The following NYNRIN variants were observed in gnomAD, a reference collection of about 807,000 sequenced individuals.
NYNRIN encodes the protein NYN domain and retroviral integrase containing.
In NYNRIN, 86 loss-of-function variants were observed where a neutral mutation model predicts 146.6. That is an observed-to-expected ratio of 0.59 (90% CI 0.49 to 0.70). The LOEUF is 0.70. Ranked by LOEUF, NYNRIN falls within the 30% of genes least tolerant of loss-of-function variation. The pLI is 0.00. For missense variants in NYNRIN, 2,191 were observed against 2,377.7 expected, an observed-to-expected ratio of 0.92 and a Z score of 1.63; for synonymous variants, 1,027 against 1,001.3, an observed-to-expected ratio of 1.03 and a Z score of -0.48.
chr14:24,417,470 T>C lies in NYNRIN; in HGVS notation c.*24T>C. The C allele has an allele frequency of 6.9e-7, 1 of 1,448,898 alleles. No homozygotes were observed. Among genetic ancestry groups the C allele is most frequent in the Non-Finnish European group, 9.1e-7 (1 of 1,102,392 alleles). The allele number at this position is 1,448,898 out of a possible 1,614,324, so 89.8% of individuals were successfully genotyped here. A position where few individuals can be genotyped will look rare whatever the true frequency, so the allele number is the denominator to read the frequency against. ...GAGCGGGAGCAGCGGGGGTGCCCCC[T>C]GCCCCAGGGCCGTGGGTTTCTGCTG... On this transcript the variant is annotated 3_prime_UTR_variant, in exon 9 of 9. Coordinates refer to ENST00000382554, the MANE Select transcript of NYNRIN (RefSeq NM_025081.3).
chr14:24,410,407 A>G (rs2042905622), intron 4 of NYNRIN, among the ~76,000 whole-genome samples, 199 bp downstream of exon 4: 1 of 152,196 alleles, frequency 6.6e-6, no homozygotes, highest in African/African-American at 2.4e-5. Context: ...GCAGCCCTCA[A>G]GGGCAGGTTT....
At position 24,418,637 on chromosome 14, in the gene NYNRIN, A is replaced by G; in HGVS notation, c.*1191A>G. The G allele has an allele frequency of 5.9e-6, 1 of 169,488 alleles. No individual in the cohort carries two copies. 10.5% of individuals were successfully genotyped at this position (169,488 alleles called of 1,614,324 possible). A position where few individuals can be genotyped will look rare whatever the true frequency, so the allele number is the denominator to read the frequency against. ...TGCCGCTGCCAAGGAAGTGGGCTCCAGGTGAAGGCCAGTGCCACGTCACTC... is the reference window on the plus strand; with the variant it reads ...TGCCGCTGCCAAGGAAGTGGGCTCCGGGTGAAGGCCAGTGCCACGTCACTC... On this transcript the variant is annotated 3_prime_UTR_variant, in exon 9 of 9. Transcript: ENST00000382554.
Position 24,415,230 on chromosome 14 carries a change from C to T in NYNRIN, c.3481C>T (p.Arg1161Cys), listed in dbSNP as rs777661158. ...LMAPNSQLPFRLEVTVSHVAL... is the reference protein window; with the variant it reads ...LMAPNSQLPFCLEVTVSHVAL... ...GGCCCCCAACTCCCAGCTGCCCTTC[C>T]GCCTGGAGGTGACCGTGAGCCACGT... The change falls in exon 9 of 9, where the codon CGC becomes TGC. Residue 1161 changes from arginine (R) to cysteine (C), a missense_variant. Coordinates refer to ENST00000382554, the MANE Select transcript of NYNRIN (RefSeq NM_025081.3). 110 of 1,613,030 alleles carry T rather than the reference C, an allele frequency of 6.8e-5. No individual in the cohort carries two copies. Among genetic ancestry groups the T allele is most frequent in the Middle Eastern group, 4.9e-4 (3 of 6,084 alleles).
rs926768018 is a variant in NYNRIN at position 24,417,940 on chromosome 14, C to T, written c.*494C>T. On this transcript the variant is annotated 3_prime_UTR_variant, in exon 9 of 9. Transcript: ENST00000382554. ...GGGGACCCTTTGCCCTTAGAGCTGT[C>T]ACAGATGACATAAGCCTGGGCAGGC... The T allele has an allele frequency of 8.9e-5, 20 of 224,060 alleles. No homozygotes were observed. The highest frequency in any genetic ancestry group is 3.6e-4 in the African/African-American group (15 of 42,074). 13.9% of individuals were successfully genotyped at this position (224,060 alleles called of 1,614,324 possible). A position where few individuals can be genotyped will look rare whatever the true frequency, so the allele number is the denominator to read the frequency against.
rs1441991614 is a variant in NYNRIN, at chr14:24,416,947, A to G, written c.5198A>G (p.His1733Arg). Residue 1733 changes from histidine to arginine, a missense_variant, in exon 9 of 9, where the codon CAT (histidine) becomes CGT (arginine). Physicochemically the swap from His to Arg is conservative, Grantham distance 29. Around this residue, in one of 3 missense-constraint regions of NYNRIN, gnomAD observed 1,291 missense variants for 1,417.0 expected, o/e 0.91. Coordinates refer to ENST00000382554, the MANE Select transcript of NYNRIN (RefSeq NM_025081.3). ...GCCCTCAAGGAGTTCATCTTCCTGC[A>G]TGGGAAGAAGTGGGCGGCCTCCCTG... is the stretch of plus-strand genomic sequence containing the variant. ...KRALKEFIFL[H>R]GKKWAASLPL... 6.3e-7 allele frequency: 1 copy of G among 1,588,604 alleles called. No homozygotes were observed. The highest frequency in any genetic ancestry group is 1.1e-5 in the South Asian group (1 of 87,722).
Position 24,408,293 on chromosome 14 carries a change from G to C in NYNRIN, c.623G>C (p.Arg208Pro). 1 of 1,612,678 alleles carries C rather than the reference G, an allele frequency of 6.2e-7. No individual in the cohort carries two copies. Among genetic ancestry groups the C allele is most frequent in the East Asian group, 2.2e-5 (1 of 44,878 alleles). The part of the protein sequence containing the change: ...GKEDIIEWLS[R>P]FGISDSHSDP... Reference sequence around the variant, plus strand: ...GAAGACATCATCGAGTGGCTCAGCCGCTTCGGCATCTCTGACTCCCACTCC... The same window carrying C: ...GAAGACATCATCGAGTGGCTCAGCCCCTTCGGCATCTCTGACTCCCACTCC... The change falls in exon 3 of 9, where the codon CGC becomes CCC. Residue 208 changes from arginine (R) to proline (P), a missense_variant. This residue lies in a region of NYNRIN where 895 missense variants were observed against 941.2 expected (regional missense o/e 0.95). Coordinates refer to ENST00000382554, the MANE Select transcript of NYNRIN (RefSeq NM_025081.3).
Position 24,417,068 on chromosome 14 carries a change from G to A in NYNRIN, c.5319G>A (p.Trp1773Ter). The A allele has an allele frequency of 1.9e-6, 3 of 1,613,056 alleles. No homozygotes were observed. Among genetic ancestry groups the A allele is most frequent in the Non-Finnish European group, 2.5e-6 (3 of 1,179,272 alleles). The change falls in exon 9 of 9, where the codon TGG (tryptophan) becomes TGA (stop). Residue 1773 changes from tryptophan (W) to a stop codon, truncating the protein, a stop_gained. Transcript: ENST00000382554. LOFTEE classifies it high-confidence loss of function. ...AGTCAAGGCTCACGGAGCCCCTGTG[G>A]TGGGAGATGAGCAGCGCAAACATTG... ...GGESRLTEPLWWEMSSANIEG... is the reference protein window; with the variant it reads ...GGESRLTEPL
chr14:24,405,533 G>C (rs985853140), intron 2 of NYNRIN, among the ~76,000 whole-genome samples: 3 of 152,144 alleles, frequency 2.0e-5, no homozygotes, highest in African/African-American at 7.2e-5. Flanking sequence ...GGTCTGGGTT[G>C]GCTTTAGGCA....
chr14:24,412,277 C>T (rs190012589), intron 6 of NYNRIN, among the ~76,000 whole-genome samples: 7 of 152,274 alleles, frequency 4.6e-5, no homozygotes, highest in South Asian at 2.1e-4. Context: ...ATGGCTTTTC[C>T]GCAGACCGTC....
rs1450640197 is a variant in NYNRIN at position 24,417,566 on chromosome 14, C to T, written c.*120C>T. ...CCTCAGTTGTGCCTTTTGTAGAGAA[C>T]TTGCTTCATAAAGCTTTGCTGAATT... is the stretch of plus-strand genomic sequence containing the variant. On this transcript the variant is annotated 3_prime_UTR_variant, in exon 9 of 9. Transcript: ENST00000382554. 5 of 1,320,018 alleles carry T rather than the reference C, an allele frequency of 3.8e-6. No homozygotes were observed. The East Asian group carries it at 1.3e-4, about 35-fold the overall frequency. 81.8% of individuals were successfully genotyped at this position (1,320,018 alleles called of 1,614,324 possible).
In NYNRIN at chr14:24,418,466, C is replaced by G. The variant is rs1428466977; in HGVS notation, c.*1020C>G. Reference sequence around the variant, plus strand: ...CCTACAGATTGTGTGATTGCTTCATCTGTATCACCCCCCGAGTCCTGTGGA... The same window carrying G: ...CCTACAGATTGTGTGATTGCTTCATGTGTATCACCCCCCGAGTCCTGTGGA... On this transcript the variant is annotated 3_prime_UTR_variant, in exon 9 of 9. Coordinates refer to ENST00000382554, the MANE Select transcript of NYNRIN (RefSeq NM_025081.3). 1 of 349,132 alleles carries G rather than the reference C, an allele frequency of 2.9e-6. No individual in the cohort carries two copies. Among genetic ancestry groups the G allele is most frequent in the African/African-American group, 2.2e-5 (1 of 46,136 alleles). The allele number at this position is 349,132 out of a possible 1,614,324, so 21.6% of individuals were successfully genotyped here. A position where few individuals can be genotyped will look rare whatever the true frequency, so the allele number is the denominator to read the frequency against.
Position 24,409,372 on chromosome 14 carries a change from A to T in NYNRIN, c.1578A>T (p.Gln526His), listed in dbSNP as rs1193569458. Reference sequence around the variant, plus strand: ...CAGGGCAAGGGAAGCCCGTGGCTCAAGGGGGGCTGACAGATCAGTCAGTAC... The same window carrying T: ...CAGGGCAAGGGAAGCCCGTGGCTCATGGGGGGCTGACAGATCAGTCAGTAC... ...LPTGQGKPVA[Q>H]GGLTDQSVPG... is the part of the protein sequence containing the mutation. Residue 526 changes from glutamine (Q) to histidine (H), a missense_variant, in exon 4 of 9, where the codon CAA becomes CAT. This residue lies in a region of NYNRIN where 895 missense variants were observed against 941.2 expected (regional missense o/e 0.95). Transcript: ENST00000382554. 1.2e-6 allele frequency: 2 copies of T among 1,614,006 alleles called. No homozygotes were observed. Among genetic ancestry groups the T allele is most frequent in the South Asian group, 1.1e-5 (1 of 91,084 alleles).
In NYNRIN at chr14:24,415,125, C is replaced by T. The variant is rs766882927; in HGVS notation, c.3376C>T (p.Pro1126Ser). Reference protein sequence around the residue: ...GPLHSLLKQKPDWQWDQEHEE... With the variant: ...GPLHSLLKQKSDWQWDQEHEE... The stretch of plus-strand genomic sequence containing the variant: ...CCTGCACAGCCTCCTCAAGCAGAAG[C>T]CTGACTGGCAGTGGGACCAGGAGCA... The change falls in exon 9 of 9, where the codon CCT becomes TCT. Residue 1126 changes from proline to serine, a missense_variant. This residue lies in a region of NYNRIN where 1,291 missense variants were observed against 1,417.0 expected (regional missense o/e 0.91). Transcript: ENST00000382554. 1.9e-6 allele frequency: 3 copies of T among 1,606,196 alleles called. No individual in the cohort carries two copies. Among genetic ancestry groups the T allele is most frequent in the Non-Finnish European group, 2.5e-6 (3 of 1,179,250 alleles).
Position 24,415,625 on chromosome 14 carries a change from T to C in NYNRIN, c.3876T>C (p.Pro1292=). 1 of 1,613,996 alleles carries C rather than the reference T, an allele frequency of 6.2e-7. No individual in the cohort carries two copies. The highest frequency in any genetic ancestry group is 8.5e-7 in the Non-Finnish European group (1 of 1,179,894). The stretch of plus-strand genomic sequence containing the variant: ...TGCTCACCCCCGCGGCCTCCATGCC[T>C]CGCTTCTTCCAGGTTCTGCCGCCTT... ...NRLLTPAASM[P]RFFQVLPPFS... is the part of the protein sequence containing the mutation. The change falls in exon 9 of 9, where the codon CCT becomes CCC. Residue 1292 remains proline (P), a synonymous_variant. Transcript: ENST00000382554.
Position 24,417,563 on chromosome 14 carries a change from G to A in NYNRIN, c.*117G>A. 1.5e-6 allele frequency: 2 copies of A among 1,328,174 alleles called. No individual in the cohort carries two copies. Among genetic ancestry groups the A allele is most frequent in the South Asian group, 2.0e-5 (1 of 49,332 alleles). The allele number at this position is 1,328,174 out of a possible 1,614,324, so 82.3% of individuals were successfully genotyped here. Reference sequence around the variant, plus strand: ...GGCCCTCAGTTGTGCCTTTTGTAGAGAACTTGCTTCATAAAGCTTTGCTGA... The same window carrying A: ...GGCCCTCAGTTGTGCCTTTTGTAGAAAACTTGCTTCATAAAGCTTTGCTGA... On this transcript the variant is annotated 3_prime_UTR_variant, in exon 9 of 9. Coordinates refer to ENST00000382554, the MANE Select transcript of NYNRIN (RefSeq NM_025081.3).
At position 24,417,657 on chromosome 14, in the gene NYNRIN, C is replaced by A; in HGVS notation, c.*211C>A. The A allele has an allele frequency of 1.6e-6, 1 of 628,576 alleles. No individual in the cohort carries two copies. Among genetic ancestry groups the A allele is most frequent in the Non-Finnish European group, 2.5e-6 (1 of 405,444 alleles). 38.9% of individuals were successfully genotyped at this position (628,576 alleles called of 1,614,324 possible). A position where few individuals can be genotyped will look rare whatever the true frequency, so the allele number is the denominator to read the frequency against. ...AGTTTGGGGTACTTGGAGAATTTGC[C>A]AAAGGCTGTCAGATATGGGTCCCTG... On this transcript the variant is annotated 3_prime_UTR_variant, in exon 9 of 9. Transcript: ENST00000382554.
In NYNRIN at chr14:24,418,145, G is replaced by T; in HGVS notation, c.*699G>T. 1 of 404,552 alleles carries T rather than the reference G, an allele frequency of 2.5e-6. No homozygotes were observed. Among genetic ancestry groups the T allele is most frequent in the South Asian group, 1.8e-5 (1 of 55,798 alleles). The allele number at this position is 404,552 out of a possible 1,614,324, so 25.1% of individuals were successfully genotyped here. On this transcript the variant is annotated 3_prime_UTR_variant, in exon 9 of 9. Transcript: ENST00000382554. ...GCATGGGAAGGGCAAGGGGGAAATG[G>T]GTTGGCCTACCTCATTTGACTCCAG...
chr14:24,412,577 A>G (rs1202263236), intron 6 of NYNRIN: 1 of 177,816 alleles, frequency 5.6e-6, no homozygotes, highest in Non-Finnish European at 1.2e-5. Flanking sequence ...AGACACTTAA[A>G]AGTATTATCT....
In NYNRIN at chr14:24,415,753, C is replaced by T; in HGVS notation, c.4004C>T (p.Thr1335Ile). Reference protein sequence around the residue: ...AGFGLYVLSPTSPPVSLSFSC... With the variant: ...AGFGLYVLSPISPPVSLSFSC... Reference sequence around the variant, plus strand: ...TTTGGTCTCTATGTTCTATCGCCCACCAGCCCCCCTGTCTCCCTTTCCTTC... The same window carrying T: ...TTTGGTCTCTATGTTCTATCGCCCATCAGCCCCCCTGTCTCCCTTTCCTTC... Residue 1335 changes from threonine to isoleucine, a missense_variant, in exon 9 of 9, where the codon ACC becomes ATC. Thr to Ile is a moderately conservative substitution (Grantham distance 89). Transcript: ENST00000382554. 6.2e-7 allele frequency: 1 copy of T among 1,613,734 alleles called. No individual in the cohort carries two copies. The highest frequency in any genetic ancestry group is 8.5e-7 in the Non-Finnish European group (1 of 1,179,770).
Sources: allele counts gnomAD v4.1 joint callset (sites outside exome capture counted in the v4.1 genomes callset), GRCh38; gene constraint gnomAD v4.1.1; regional missense constraint gnomAD v4.1.1; transcripts MANE v1.5; gene names NCBI Gene and HGNC (gene_info 2026-07-23, HGNC 2026-07-21).